The following NEBL variants were observed in gnomAD, a reference collection of about 807,000 sequenced individuals.
The protein encoded by NEBL is nebulette, also known as LIM and SH3 protein 2.
NEBL carries 122 observed loss-of-function variants against 140.2 expected under a neutral mutation model. The observed-to-expected ratio is 0.87, with a 90% CI of 0.75 to 1.01. The LOEUF is 1.01. Ranked by LOEUF, NEBL falls within the 50% of genes least tolerant of loss-of-function variation. NEBL has a pLI of 0.00. For missense variants in NEBL, 1,365 were observed against 1,231.3 expected (o/e 1.11, Z -1.62); for synonymous variants, 436 against 398.9 (o/e 1.09, Z -1.11).
intron 8 of NEBL, 36 bp downstream of exon 8, chr10:20,859,677 G>T: frequency 1.6e-5 from 21 of 1,344,978 alleles, no homozygotes; most frequent in Non-Finnish European, 2.2e-5. Flanking sequence ...AGAATCAAAA[G>T]ATTTTGAAAA....
At chr10:21,243,938 A>AGGGAAAGGGAAG (rs1554834798) in intron 3 of NEBL, among the ~76,000 whole-genome samples, 30 of 136,404 alleles carry the variant, frequency 2.2e-4, no homozygotes, top group Admixed American at 1.6e-3. Flanking sequence ...GGAAAGGGAA[A>AGGGAAAGGGAAG]GGGAAGGGGA....
intron 2 of NEBL, among the ~76,000 whole-genome samples, chr10:21,031,438 G>C (rs2131805864): frequency 6.6e-6 from 1 of 152,326 alleles, no homozygotes; most frequent in Middle Eastern, 3.4e-3. Flanking sequence ...AGATTGGATG[G>C]ACCAAGACCA....
intron 3 of NEBL, among the ~76,000 whole-genome samples, chr10:21,181,877 T>C (rs1341394366): frequency 1.3e-5 from 2 of 152,224 alleles, no homozygotes; most frequent in African/African-American, 4.8e-5. Flanking sequence ...ACATGTTGAC[T>C]GGCCCAGCTC....
chr10:20,860,575 A>AAAC (rs1554789974), intron 7 of NEBL, among the ~76,000 whole-genome samples: 1 of 149,910 alleles, frequency 6.7e-6, no homozygotes, highest in Non-Finnish European at 1.5e-5. Flanking sequence ...AAGAAAAAAA[A>AAAC]AAAAAAAAAA....
intron 3 of NEBL, among the ~76,000 whole-genome samples, chr10:21,010,463 A>G (rs1162688141): frequency 6.6e-6 from 1 of 150,582 alleles, no homozygotes; most frequent in Non-Finnish European, 1.5e-5. Flanking sequence ...TATGTTGCCC[A>G]GCCTGGTCTC....
At chr10:21,151,115 C>G (rs1423381666) in intron 2 of NEBL, among the ~76,000 whole-genome samples, 1 of 152,178 alleles carries the variant, frequency 6.6e-6, no homozygotes, top group Non-Finnish European at 1.5e-5. Context: ...GAGAAATAAA[C>G]AAGACTCGAT....
intron 2 of NEBL, among the ~76,000 whole-genome samples, chr10:21,053,691 A>T (rs1834880762): frequency 6.6e-6 from 1 of 152,176 alleles, no homozygotes; most frequent in Non-Finnish European, 1.5e-5. Context: ...AACTTGAGCT[A>T]AACCAACATG....
chr10:21,133,180 G>C (rs796474736), intron 2 of NEBL, among the ~76,000 whole-genome samples: 3 of 152,254 alleles, frequency 2.0e-5, no homozygotes, highest in African/African-American at 7.2e-5. Context: ...TCTTTTACCA[G>C]CTTTCTTTTT....
At chr10:20,841,212 A>G (rs552366116) in intron 12 of NEBL, among the ~76,000 whole-genome samples, 2 of 152,256 alleles carry the variant, frequency 1.3e-5, no homozygotes, top group South Asian at 4.1e-4. Flanking sequence ...TGCATTACCA[A>G]AAAAGAACAT....
chr10:20,838,117 C>T lies in NEBL; in HGVS notation c.1339-2494G>A, dbSNP rs185279515. Among the ~76,000 whole-genome samples, 30 of 152,276 alleles carry T rather than the reference C, an allele frequency of 2.0e-4. 1 individual carries two copies. In the East Asian group the frequency reaches 5.6e-3, roughly 28 times the overall value. On this transcript the variant is annotated intron_variant, in intron 13 of 27. Coordinates refer to ENST00000377122, the MANE Select transcript of NEBL (RefSeq NM_006393.3). ...TTCAAGGCTTATTATTTAAGAAATACATTTCATAGGGCTATACCTGTCATA... is the reference window on the plus strand; with the variant it reads ...TTCAAGGCTTATTATTTAAGAAATATATTTCATAGGGCTATACCTGTCATA...
intron 14 of NEBL, among the ~76,000 whole-genome samples, chr10:20,833,781 A>G (rs1840640856): frequency 6.6e-6 from 1 of 152,046 alleles, no homozygotes; most frequent in Admixed American, 6.5e-5. Context: ...GAAAAAAAGA[A>G]TGTCTACTAG....
chr10:21,274,820 TTATTAA>T (rs1441482708), intron 1 of NEBL, among the ~76,000 whole-genome samples: 5 of 151,820 alleles, frequency 3.3e-5, no homozygotes, highest in African/African-American at 9.7e-5. Context: ...TTAATTTAAA[TTATTAA>T]TATTAATTAT....
chr10:21,258,751 C>T (rs574385761), intron 1 of NEBL, among the ~76,000 whole-genome samples: 6 of 151,740 alleles, frequency 4.0e-5, no homozygotes, highest in Non-Finnish European at 5.9e-5. Context: ...TGGTGACAGG[C>T]GCCTGTAATC....
intron 4 of NEBL, among the ~76,000 whole-genome samples, chr10:20,953,469 C>A (rs1835607256): frequency 6.7e-6 from 1 of 149,528 alleles, no homozygotes. Flanking sequence ...CCTGCAATAT[C>A]TTGTTATGGT....
chr10:21,224,251 C>T (rs1225135137), intron 3 of NEBL, among the ~76,000 whole-genome samples: 1 of 152,210 alleles, frequency 6.6e-6, no homozygotes, highest in Non-Finnish European at 1.5e-5. Flanking sequence ...GTTTTCCTAG[C>T]ACTGTTTATT....
At chr10:21,016,887 C>G (rs1422772578) in intron 3 of NEBL, among the ~76,000 whole-genome samples, 2 of 152,196 alleles carry the variant, frequency 1.3e-5, no homozygotes, top group Non-Finnish European at 2.9e-5. Flanking sequence ...AATATTCTTA[C>G]AGAAGTGTTT....
intron 3 of NEBL, among the ~76,000 whole-genome samples, chr10:21,227,591 T>C (rs1428010971): frequency 6.6e-6 from 1 of 152,242 alleles, no homozygotes; most frequent in Non-Finnish European, 1.5e-5. Context: ...TACATACTTT[T>C]TCAAGGTGCA....
chr10:20,859,223 C>A (rs970921269), intron 8 of NEBL, among the ~76,000 whole-genome samples: 9 of 151,984 alleles, frequency 5.9e-5, no homozygotes, highest in African/African-American at 2.2e-4. Context: ...TTTAAAAACA[C>A]AGAATGAAAA....
Position 21,025,238 on chromosome 10 carries a change from C to T in NEBL, c.165-5037G>A, listed in dbSNP as rs149590364. Among the ~76,000 whole-genome samples, 185 of 151,978 alleles carry T rather than the reference C, an allele frequency of 1.2e-3. 2 individuals carry two copies. The highest frequency in any genetic ancestry group is 2.9e-3 in the South Asian group (14 of 4,818). The stretch of plus-strand genomic sequence containing the variant: ...ATAATTGTGGAAATATGACATGTAA[C>T]GCATTCAGAGCTGGTTGAGAGATGT... On this transcript the variant is annotated intron_variant, in intron 2 of 6. Coordinates refer to the NEBL transcript ENST00000417816.
Sources: allele counts gnomAD v4.1 joint callset (sites outside exome capture counted in the v4.1 genomes callset), GRCh38; gene constraint gnomAD v4.1.1; transcripts MANE v1.5; gene names NCBI Gene and HGNC (gene_info 2026-07-23, HGNC 2026-07-21).